C3orf52: variants seen among roughly 807,000 people sequenced by gnomAD.
C3orf52 encodes chromosome 3 open reading frame 52.
A neutral mutation model predicts 24.8 loss-of-function variants in C3orf52; 22 were observed. The observed-to-expected ratio is 0.89, with a 90% confidence interval of 0.63 to 1.27. C3orf52 has a LOEUF of 1.27. Among genes scored for constraint, C3orf52 ranks in the 50% most tolerant of loss-of-function variants. The probability of loss-of-function intolerance (pLI) is 0.00; values close to 1 mark genes in which losing one functional copy is unlikely to be tolerated. For synonymous variants in C3orf52, 93 were observed against 100.2 expected (o/e 0.93, Z 0.43); for missense variants, 265 against 260.7 (o/e 1.02, Z -0.11).
downstream of C3orf52, chr3:112,130,395 C>T (rs140746638): frequency 2.3e-3 from 3,430 of 1,471,626 alleles, 75 homozygotes; most frequent in Admixed American, 0.04. Flanking sequence ...TGACATACTT[C>T]GTTCTCCTTG....
At chr3:112,122,385 G>A (rs2074217105), downstream of C3orf52, 1 of 152,142 alleles carries the variant, frequency 6.6e-6, no homozygotes, top group African/African-American at 2.4e-5. Flanking sequence ...TAAAAACAGG[G>A]AGTGGGCTAG....
chr3:112,089,257 G>A (rs982797005), intron 1 of C3orf52, among the ~76,000 whole-genome samples: 6 of 152,142 alleles, frequency 3.9e-5, no homozygotes, highest in Non-Finnish European at 8.8e-5. Flanking sequence ...CGGGTACAGC[G>A]GCTCACGCCT....
intron 4 of C3orf52, chr3:112,128,172 C>A: frequency 1.1e-6 from 1 of 884,358 alleles, no homozygotes; most frequent in Non-Finnish European, 1.9e-6. Context: ...TCCCCGCAAG[C>A]GTGTTTCATT....
chr3:112,113,200 T>TC, intron 5 of C3orf52, 55 bp downstream of exon 5: 2 of 1,454,844 alleles, frequency 1.4e-6, no homozygotes, highest in Middle Eastern at 1.8e-4. Flanking sequence ...GTGAACCAGA[T>TC]TGGGGTCAAA....
chr3:112,095,389 C>T (rs2073915912), intron 2 of C3orf52, among the ~76,000 whole-genome samples: 1 of 152,160 alleles, frequency 6.6e-6, no homozygotes, highest in South Asian at 2.1e-4. Flanking sequence ...ATCCTGTTGG[C>T]ATCTGGGGCC....
chr3:112,105,965 A>G (rs2107784461), intron 3 of C3orf52, among the ~76,000 whole-genome samples: 1 of 152,294 alleles, frequency 6.6e-6, no homozygotes, highest in East Asian at 1.9e-4. Context: ...CACAGAGCTC[A>G]GGGAAGCATC....
chr3:112,123,737 G>A, intron 4 of C3orf52: 3 of 1,613,934 alleles, frequency 1.9e-6, no homozygotes, highest in Non-Finnish European at 2.5e-6. Flanking sequence ...TGAGGGTATA[G>A]CACAGCTCCT....
chr3:112,106,450 C>G (rs2074026404), intron 3 of C3orf52, among the ~76,000 whole-genome samples: 2 of 152,076 alleles, frequency 1.3e-5, no homozygotes, highest in Non-Finnish European at 2.9e-5. Context: ...ATGATCAGCC[C>G]CCATCCAGCA....
intron 3 of C3orf52, among the ~76,000 whole-genome samples, chr3:112,107,448 A>T (rs13074229): frequency 0.53 from 80,432 of 152,094 alleles, 23,049 homozygotes; most frequent in East Asian, 0.76. Flanking sequence ...CATCCTGTGC[A>T]TTGGGGCTTA....
chr3:112,113,066 T>G lies in C3orf52; in HGVS notation c.570T>G (p.Ile190Met), dbSNP rs2074101328. ...TGAGTGAGGAGTTGGTGCTGGGCAT[T>G]TTGCTACAGGATTTCCGTGATCAGA... ...YMMSEELVLGILLQDFRDQNI... is the reference protein window; with the variant it reads ...YMMSEELVLGMLLQDFRDQNI... Residue 190 changes from isoleucine (I) to methionine (M), a missense_variant, in exon 5 of 6, where the codon ATT becomes ATG. Coordinates refer to ENST00000264848, the MANE Select transcript of C3orf52 (RefSeq NM_024616.3). 1.9e-6 allele frequency: 3 copies of G among 1,610,664 alleles called. No individual in the cohort carries two copies. The highest frequency in any genetic ancestry group is 2.7e-5 in the African/African-American group (2 of 74,866).
intron 4 of C3orf52, chr3:112,127,006 C>T: frequency 6.3e-7 from 1 of 1,589,590 alleles, no homozygotes. Flanking sequence ...GGGAATCTTG[C>T]CTCTTTTCAA....
At chr3:112,133,075 A>G (rs2074497336), downstream of C3orf52, 1 of 1,612,938 alleles carries the variant, frequency 6.2e-7, no homozygotes, top group South Asian at 1.1e-5. Context: ...GCTCTCCCAC[A>G]GGGAGTCTAG....
intron 3 of C3orf52, among the ~76,000 whole-genome samples, chr3:112,107,841 T>C (rs1289255611): frequency 2.6e-5 from 4 of 152,242 alleles, no homozygotes; most frequent in Non-Finnish European, 5.9e-5. Context: ...CTTTGAGATA[T>C]GGGTTGTACA....
At chr3:112,106,825 G>A (rs1346508293) in intron 3 of C3orf52, among the ~76,000 whole-genome samples, 2 of 152,152 alleles carry the variant, frequency 1.3e-5, no homozygotes, top group Non-Finnish European at 2.9e-5. Flanking sequence ...CCCTGTGCAT[G>A]GGTTAGGAGT....
chr3:112,110,165 A>G (rs2074065185), intron 4 of C3orf52, among the ~76,000 whole-genome samples: 2 of 152,078 alleles, frequency 1.3e-5, no homozygotes, highest in Admixed American at 1.3e-4. Flanking sequence ...CCCTGTCTCA[A>G]CTAAAAATAC....
downstream of C3orf52, among the ~76,000 whole-genome samples, chr3:112,118,832 A>G (rs1038404818): frequency 5.3e-5 from 8 of 152,216 alleles, no homozygotes; most frequent in African/African-American, 1.9e-4. Context: ...TTAGATATGG[A>G]TAGAATGGCA....
intron 5 of C3orf52, among the ~76,000 whole-genome samples, chr3:112,114,518 A>G (rs1041138136): frequency 1.3e-5 from 2 of 152,082 alleles, no homozygotes; most frequent in African/African-American, 2.4e-5. Context: ...AGCCTGGCCA[A>G]CATGGTGAAA....
At chr3:112,099,271 A>C (rs2073951350) in intron 2 of C3orf52, among the ~76,000 whole-genome samples, 1 of 152,180 alleles carries the variant, frequency 6.6e-6, no homozygotes, top group African/African-American at 2.4e-5. Flanking sequence ...GTGAGAATGG[A>C]CTAATACACG....
downstream of C3orf52, chr3:112,133,188 G>C: frequency 6.5e-7 from 1 of 1,536,450 alleles, no homozygotes; most frequent in East Asian, 2.2e-5. Flanking sequence ...TGCTCTGACA[G>C]GGCAACTCCT....
Sources: gnomAD v4.1 joint callset for allele counts (sites outside exome capture counted in the v4.1 genomes callset) on GRCh38, gnomAD v4.1.1 for gene constraint, MANE v1.5 for transcripts, NCBI Gene and HGNC (gene_info 2026-07-23, HGNC 2026-07-21) for gene names.